ATXN1: variants seen among roughly 807,000 people sequenced by gnomAD.
ATXN1 encodes ataxin 1.
ATXN1 carries 8 observed loss-of-function variants against 56.4 expected under a neutral mutation model. The observed-to-expected ratio is 0.14, with a 90% CI of 0.08 to 0.26. ATXN1 has a LOEUF of 0.26. Among genes scored for constraint, ATXN1 ranks in the 10% least tolerant of loss-of-function variants. ATXN1 has a pLI of 1.00. For missense variants in ATXN1, 987 were observed against 1,106.5 expected (o/e 0.89, Z 1.53); for synonymous variants, 514 against 494.6 (o/e 1.04, Z -0.52).
chr6:16,391,906 C>T (rs1015502995), intron 6 of ATXN1, among the ~76,000 whole-genome samples: 23 of 152,306 alleles, frequency 1.5e-4, no homozygotes, highest in Non-Finnish European at 2.6e-4. Context: ...CCTGATGTTT[C>T]CTCCTGGCTT....
chr6:16,648,907 T>C (rs960348315), intron 3 of ATXN1, among the ~76,000 whole-genome samples: 3 of 152,094 alleles, frequency 2.0e-5, no homozygotes, highest in Non-Finnish European at 2.9e-5. Context: ...TTACAACTTA[T>C]TGACTCTAAA....
intron 6 of ATXN1, among the ~76,000 whole-genome samples, chr6:16,451,306 A>G (rs188306204): frequency 2.5e-4 from 38 of 152,360 alleles, no homozygotes; most frequent in Non-Finnish European, 4.6e-4. Context: ...TGTCTCTACT[A>G]AAAATACAAA....
chr6:16,496,976 A>G (rs551228053), intron 5 of ATXN1, among the ~76,000 whole-genome samples: 1 of 152,310 alleles, frequency 6.6e-6, no homozygotes, highest in Admixed American at 6.5e-5. Flanking sequence ...AACTCCTAAT[A>G]TATCAAAAAA....
intron 2 of ATXN1, among the ~76,000 whole-genome samples, chr6:16,721,673 G>T (rs1174346806): frequency 1.3e-5 from 2 of 152,098 alleles, no homozygotes; most frequent in African/African-American, 2.4e-5. Flanking sequence ...CTGCAATGCA[G>T]ATTTAATGTA....
intron 3 of ATXN1, among the ~76,000 whole-genome samples, chr6:16,635,013 G>A (rs1206464752): frequency 6.6e-6 from 1 of 152,170 alleles, no homozygotes; most frequent in African/African-American, 2.4e-5. Context: ...TGCACAACAG[G>A]AGGTGAGCAG....
chr6:16,464,577 G>A (rs534706022), intron 6 of ATXN1, among the ~76,000 whole-genome samples: 276 of 152,234 alleles, frequency 1.8e-3, no homozygotes, highest in Non-Finnish European at 3.3e-3. Context: ...CTCCATTCTT[G>A]AAGTCAGCGA....
chr6:16,664,427 G>T (rs367699393), intron 2 of ATXN1, among the ~76,000 whole-genome samples: 62 of 151,912 alleles, frequency 4.1e-4, no homozygotes, highest in Non-Finnish European at 9.0e-4. Flanking sequence ...TATACCAGCC[G>T]GTACGTTCCA....
At chr6:16,727,833 A>T (rs1271733855) in intron 2 of ATXN1, among the ~76,000 whole-genome samples, 1 of 152,242 alleles carries the variant, frequency 6.6e-6, no homozygotes, top group Admixed American at 6.5e-5. Flanking sequence ...TGAAAGTGAA[A>T]ATTCGTCAGA....
rs141109813 is a variant in ATXN1 at position 16,580,490 on chromosome 6, C to T, written c.-361+5290G>A. ...TTAGTGTAGCAGGGGAAGGTCTGTG[C>T]AGCAGTCTGCTTTAGGGTAGCAATA... On this transcript the variant is annotated intron_variant, in intron 4 of 7. Transcript: ENST00000436367. Among the ~76,000 whole-genome samples, 247 of 152,242 alleles carry T rather than the reference C, an allele frequency of 1.6e-3. 1 individual carries two copies. The highest frequency in any genetic ancestry group is 5.5e-3 in the African/African-American group (229 of 41,536).
At chr6:16,575,110 G>C (rs1447331296) in intron 4 of ATXN1, among the ~76,000 whole-genome samples, 3 of 152,062 alleles carry the variant, frequency 2.0e-5, no homozygotes, top group Admixed American at 2.0e-4. Context: ...CATTAACCTT[G>C]ATCACTCAGT....
intron 3 of ATXN1, 114 bp downstream of exon 3, chr6:16,657,662 A>G (rs925671733): frequency 3.3e-5 from 5 of 152,186 alleles, no homozygotes; most frequent in Non-Finnish European, 7.4e-5. Flanking sequence ...ATGTCCTGTT[A>G]TTTAGGATGT....
intron 3 of ATXN1, among the ~76,000 whole-genome samples, chr6:16,651,739 A>G (rs535484209): frequency 7.4e-4 from 113 of 152,310 alleles, no homozygotes; most frequent in African/African-American, 2.5e-3. Context: ...GGAAGTTGGA[A>G]ATCATTGAGC....
chr6:16,454,261 C>T lies in ATXN1; in HGVS notation c.-161+31711G>A, dbSNP rs564282003. ...GCTGAGCAGACAAAATCCCTGCCAT[C>T]AGAGAGCTGACCAGGAACTGAATTC... On this transcript the variant is annotated intron_variant, in intron 6 of 7. Transcript: ENST00000436367. Among the ~76,000 whole-genome samples, 6 of 151,900 alleles carry T rather than the reference C, an allele frequency of 3.9e-5. No homozygotes were observed. The East Asian group carries it at 1.2e-3, about 30-fold the overall frequency.
intron 2 of ATXN1, among the ~76,000 whole-genome samples, chr6:16,728,580 A>G (rs1402323928): frequency 2.6e-5 from 4 of 152,258 alleles, no homozygotes; most frequent in Non-Finnish European, 5.9e-5. Context: ...TGCTACACAA[A>G]TAAGTTAGAA....
chr6:16,742,310 T>A (rs1319128419), intron 2 of ATXN1, among the ~76,000 whole-genome samples: 1 of 152,122 alleles, frequency 6.6e-6, no homozygotes, highest in Non-Finnish European at 1.5e-5. Context: ...AGCCACAACT[T>A]GGGGTCATAC....
At chr6:16,488,574 C>A (rs1760596422) in intron 5 of ATXN1, among the ~76,000 whole-genome samples, 1 of 152,174 alleles carries the variant, frequency 6.6e-6, no homozygotes, top group Admixed American at 6.5e-5. Context: ...TCTTCCCTAT[C>A]ATCCCACATC....
At chr6:16,750,922 G>C (rs185676816) in intron 2 of ATXN1, among the ~76,000 whole-genome samples, 1 of 151,134 alleles carries the variant, frequency 6.6e-6, no homozygotes, top group East Asian at 2.0e-4. Flanking sequence ...ATCCCTAAGA[G>C]ATAAAGTAGC....
intron 4 of ATXN1, among the ~76,000 whole-genome samples, chr6:16,578,006 A>C (rs1313430495): frequency 2.0e-5 from 3 of 152,146 alleles, no homozygotes; most frequent in African/African-American, 7.2e-5. Flanking sequence ...CAAAACTAGA[A>C]TTTCTGATAT....
At chr6:16,389,293 C>T (rs1037741790) in intron 6 of ATXN1, among the ~76,000 whole-genome samples, 66 of 145,210 alleles carry the variant, frequency 4.5e-4, no homozygotes, top group African/African-American at 7.1e-4. Flanking sequence ...GTGGAGATGG[C>T]GCCACTGCAC....
Sources: allele counts gnomAD v4.1 joint callset (sites outside exome capture counted in the v4.1 genomes callset), GRCh38; gene constraint gnomAD v4.1.1; transcripts MANE v1.5; gene names NCBI Gene and HGNC (gene_info 2026-07-23, HGNC 2026-07-21).